ACSS3: variants seen among roughly 807,000 people sequenced by gnomAD.
ACSS3 encodes the protein acyl-CoA synthetase short-chain family member 3, mitochondrial.
ACSS3 carries 64 observed loss-of-function variants against 84.2 expected under a neutral mutation model. The ratio of observed to expected loss-of-function variants is 0.76; its 90% CI spans 0.62 to 0.94. The LOEUF (loss-of-function observed/expected upper bound fraction) is 0.94, where lower values mean the gene tolerates loss of function less well. Ranked by LOEUF, ACSS3 falls within the 40% of genes least tolerant of loss-of-function variation. ACSS3 has a pLI of 0.00. For missense variants in ACSS3, 815 were observed against 867.6 expected (o/e 0.94, Z 0.76); for synonymous variants, 317 against 310.1 (o/e 1.02, Z -0.23).
intron 5 of ACSS3, among the ~76,000 whole-genome samples, chr12:81,150,058 T>G (rs536280357): frequency 6.6e-6 from 1 of 152,328 alleles, no homozygotes; most frequent in Non-Finnish European, 1.5e-5. Flanking sequence ...CATTTATGTT[T>G]CAGGTTTTAC....
chr12:81,253,443 G>A (rs1397650620), intron 14 of ACSS3, 37 bp downstream of exon 14: 1 of 1,613,484 alleles, frequency 6.2e-7, no homozygotes, highest in African/African-American at 1.3e-5. Flanking sequence ...CTTGGGACCT[G>A]AATAATTAAC....
At chr12:81,132,892 A>C (rs550696103) in intron 2 of ACSS3, among the ~76,000 whole-genome samples, 11 of 152,238 alleles carry the variant, frequency 7.2e-5, no homozygotes, top group African/African-American at 2.2e-4. Flanking sequence ...TAATGTGATA[A>C]TGAAGCATGG....
At chr12:81,229,193 A>G (rs1037789924) in intron 11 of ACSS3, among the ~76,000 whole-genome samples, 3 of 151,840 alleles carry the variant, frequency 2.0e-5, no homozygotes, top group Non-Finnish European at 4.4e-5. Context: ...GCACCATAAA[A>G]TACAGAAAAA....
chr12:81,238,368 G>A (rs1450061413), intron 13 of ACSS3, among the ~76,000 whole-genome samples: 1 of 151,632 alleles, frequency 6.6e-6, no homozygotes, highest in Non-Finnish European at 1.5e-5. Context: ...TCCATAGATT[G>A]AGTTAGAAAA....
chr12:81,238,151 C>T (rs752975708), intron 13 of ACSS3, among the ~76,000 whole-genome samples: 12 of 151,722 alleles, frequency 7.9e-5, no homozygotes, highest in East Asian at 7.7e-4. Flanking sequence ...CCTATTGATG[C>T]GATGGATTAC....
In ACSS3 at chr12:81,199,428, C is replaced by T. The variant is rs138131566; in HGVS notation, c.1338C>T (p.Asp446=). ...SKNVFRVPVL[D]HWWQTETGSP... ...ATGTCTTCAGAGTACCTGTCTTAGACCATTGGTGGCAAACTGGTAAGCATT... is the reference window on the plus strand; with the variant it reads ...ATGTCTTCAGAGTACCTGTCTTAGATCATTGGTGGCAAACTGGTAAGCATT... The change falls in exon 9 of 16, where the codon GAC becomes GAT. Residue 446 remains aspartate, a synonymous_variant. Transcript: ENST00000548058. 1.0e-3 allele frequency: 1,642 copies of T among 1,612,800 alleles called. 4 individuals are homozygous for T. Among genetic ancestry groups the T allele is most frequent in the Non-Finnish European group, 1.2e-3 (1,412 of 1,179,312 alleles).
chr12:81,253,976 G>C (rs1290445191), intron 15 of ACSS3, among the ~76,000 whole-genome samples: 1 of 152,096 alleles, frequency 6.6e-6, no homozygotes, highest in Non-Finnish European at 1.5e-5. Context: ...CCAGGCTGTA[G>C]TGCAGTGGTA....
At chr12:81,098,442 CACT>C (rs1359869462) in intron 1 of ACSS3, among the ~76,000 whole-genome samples, 1 of 152,092 alleles carries the variant, frequency 6.6e-6, no homozygotes, top group Non-Finnish European at 1.5e-5. Context: ...AGGAACTTAA[CACT>C]TGTTTATATC....
chr12:81,226,656 G>A (rs931247495), intron 11 of ACSS3, among the ~76,000 whole-genome samples: 4 of 151,842 alleles, frequency 2.6e-5, no homozygotes, highest in East Asian at 1.9e-4. Flanking sequence ...ACTATATTGC[G>A]CTCTTTGCGT....
intron 7 of ACSS3, among the ~76,000 whole-genome samples, chr12:81,155,647 A>G (rs1038394842): frequency 6.6e-6 from 1 of 152,190 alleles, no homozygotes; most frequent in Non-Finnish European, 1.5e-5. Context: ...GAATCTACTT[A>G]TTCAGTACTT....
At chr12:81,137,549 A>G (rs1311755664) in intron 3 of ACSS3, among the ~76,000 whole-genome samples, 3 of 152,164 alleles carry the variant, frequency 2.0e-5, no homozygotes, top group Non-Finnish European at 4.4e-5. Flanking sequence ...AGGCTAAAGA[A>G]AAAGTTTTAT....
intron 8 of ACSS3, among the ~76,000 whole-genome samples, chr12:81,179,778 CA>C (rs201290758): frequency 0.032 from 2,327 of 73,458 alleles, 23 homozygotes; most frequent in South Asian, 0.071. Context: ...GACTCCGTCT[CA>C]AAAAAAAAAA....
intron 10 of ACSS3, among the ~76,000 whole-genome samples, chr12:81,218,209 G>T (rs1457511247): frequency 6.6e-6 from 1 of 152,184 alleles, no homozygotes; most frequent in Non-Finnish European, 1.5e-5. Flanking sequence ...TTTCAGAAAA[G>T]TCAGAGGACT....
Position 81,256,914 on chromosome 12 carries a change from T to C in ACSS3, c.*1992T>C, listed in dbSNP as rs1248542231. ...TGGGATCCTTGAGTTGCCTCTTTCA[T>C]TGGTACGTTTTATCCATTGTCACAA... On this transcript the variant is annotated 3_prime_UTR_variant, in exon 16 of 16. Transcript: ENST00000548058. 2 of 152,334 alleles carry C rather than the reference T, an allele frequency of 1.3e-5. No homozygotes were observed. Among genetic ancestry groups the C allele is most frequent in the East Asian group, 1.9e-4 (1 of 5,182 alleles). The allele number at this position is 152,334 out of a possible 1,614,324, so 9.4% of individuals were successfully genotyped here. A position where few individuals can be genotyped will look rare whatever the true frequency, so the allele number is the denominator to read the frequency against.
At chr12:81,080,339 A>C (rs912188892) in intron 1 of ACSS3, among the ~76,000 whole-genome samples, 1 of 151,666 alleles carries the variant, frequency 6.6e-6, no homozygotes, top group African/African-American at 2.4e-5. Flanking sequence ...TTTCTTTGTA[A>C]TATCTAGTTG....
intron 7 of ACSS3, among the ~76,000 whole-genome samples, chr12:81,164,667 A>G (rs1305519658): frequency 1.3e-5 from 2 of 152,158 alleles, no homozygotes; most frequent in Non-Finnish European, 2.9e-5. Context: ...AAGTCATCCT[A>G]TACTGTATTT....
intron 3 of ACSS3, among the ~76,000 whole-genome samples, chr12:81,136,618 C>T (rs565549502): frequency 3.9e-5 from 6 of 152,056 alleles, no homozygotes; most frequent in East Asian, 3.9e-4. Flanking sequence ...GAATCTGAGT[C>T]AAGCAGTAGA....
upstream of ACSS3, chr12:81,078,060 C>A (rs546394324): frequency 4.8e-5 from 69 of 1,432,034 alleles, no homozygotes; most frequent in African/African-American, 9.4e-4. Context: ...TCCCTCAGGC[C>A]CCAGGAAGTT....
At chr12:81,182,045 T>C (rs1372065976) in intron 8 of ACSS3, among the ~76,000 whole-genome samples, 2 of 152,138 alleles carry the variant, frequency 1.3e-5, no homozygotes, top group African/African-American at 2.4e-5. Context: ...GAGATATGGA[T>C]ATTCAGATCC....
Sources: allele counts gnomAD v4.1 joint callset (sites outside exome capture counted in the v4.1 genomes callset), GRCh38; gene constraint gnomAD v4.1.1; transcripts MANE v1.5; gene names NCBI Gene and HGNC (gene_info 2026-07-23, HGNC 2026-07-21).